CLCN4: variants seen among roughly 807,000 people sequenced by gnomAD.
The protein encoded by CLCN4 is H(+)/Cl(-) exchange transporter 4.
Under a neutral mutation model 41.7 loss-of-function variants are expected in CLCN4, and 1 was observed. The ratio of observed to expected loss-of-function variants is 0.02; its 90% CI spans 0.01 to 0.11. The LOEUF (loss-of-function observed/expected upper bound fraction) is 0.11. CLCN4 is among the 10% of genes least tolerant of loss of function. The pLI is 1.00. For missense variants in CLCN4, 287 were observed against 661.0 expected, an observed-to-expected ratio of 0.43 and a Z score of 6.20; for synonymous variants, 277 against 285.8, an observed-to-expected ratio of 0.97 and a Z score of 0.31.
chrX:10,196,969 G>T (rs16985991), intron 5 of CLCN4, among the ~76,000 whole-genome samples: 47,373 of 111,410 alleles, frequency 0.43, 8,356 homozygotes, highest in Non-Finnish European at 0.57. Context: ...ACCGCATAGG[G>T]TGTGAATATA....
intron 4 of CLCN4, among the ~76,000 whole-genome samples, chrX:10,189,888 T>G (rs1319136665): frequency 7.2e-5 from 8 of 110,492 alleles, no homozygotes; most frequent in African/African-American, 2.6e-4. Context: ...AGTAGGGGGG[T>G]TGTGAATGAA....
At position 10,158,313 on chromosome X, in the gene CLCN4, C is replaced by G. The variant is rs1006798176; in HGVS notation, c.-250C>G. The stretch of plus-strand genomic sequence containing the variant: ...GGCCAGGCAAGCTGCACACATCAAG[C>G]GAAACGCCTGAGGGGCGGCCAGCGC... On this transcript the variant is annotated 5_prime_UTR_variant, in exon 2 of 13. Transcript: ENST00000380833. 1 of 289,583 alleles carries G rather than the reference C, an allele frequency of 3.5e-6. No individual in the cohort carries two copies. Among genetic ancestry groups the G allele is most frequent in the African/African-American group, 2.7e-5 (1 of 36,457 alleles). The allele number at this position is 289,583 out of a possible 1,213,427, so 23.9% of individuals were successfully genotyped here. A position where few individuals can be genotyped will look rare whatever the true frequency, so the allele number is the denominator to read the frequency against.
At chrX:10,206,917 G>GTTTTTT in intron 8 of CLCN4, 141 bp downstream of exon 8, 1 of 448,204 alleles carries the variant, frequency 2.2e-6, no homozygotes, top group Non-Finnish European at 3.7e-6. Context: ...TTTTGTTTTT[G>GTTTTTT]TTTTTGTTTT....
chrX:10,180,346 A>G (rs927843706), intron 2 of CLCN4, among the ~76,000 whole-genome samples: 1 of 111,613 alleles, frequency 9.0e-6, no homozygotes, highest in Non-Finnish European at 1.9e-5. Flanking sequence ...GACTGCCTCA[A>G]TGAACAGCAA....
At chrX:10,216,918 T>TATATATATACACACACACAC (rs773265490) in intron 11 of CLCN4, among the ~76,000 whole-genome samples, 746 of 38,885 alleles carry the variant, frequency 0.019, 22 homozygotes, top group Non-Finnish European at 0.026. Flanking sequence ...TATATATATA[T>TATATATATACACACACACAC]ACACACACAC....
At position 10,221,798 on chromosome X, in the gene CLCN4, G is replaced by A. The variant is rs138011529; in HGVS notation, c.2192+921G>A. ...CAAGCTGTGCCACTTCCGAATTACC[G>A]GGAAGGGGTGGAAGGAGGGGAGCCT... On this transcript the variant is annotated intron_variant, in intron 12 of 12. Transcript: ENST00000380833. Among the ~76,000 whole-genome samples the A allele has an allele frequency of 3.7e-3, 411 of 112,290 alleles. 3 individuals are homozygous for A. The highest frequency in any genetic ancestry group is 0.013 in the African/African-American group (391 of 30,880).
intron 2 of CLCN4, among the ~76,000 whole-genome samples, chrX:10,173,312 G>A (rs1223413616): frequency 1.8e-5 from 2 of 111,343 alleles, no homozygotes. Flanking sequence ...CATCCAAGTC[G>A]GAGTCAGATC....
chrX:10,158,167 G>T, intron 1 of CLCN4, 122 bp from the exon 2 acceptor site: 2 of 254,075 alleles, frequency 7.9e-6, no homozygotes, highest in Non-Finnish European at 1.4e-5. Flanking sequence ...ACATGAAATT[G>T]TATTTCCTTT....
chrX:10,195,744 A>G (rs1377103655), intron 5 of CLCN4, among the ~76,000 whole-genome samples: 2 of 112,483 alleles, frequency 1.8e-5, no homozygotes, highest in East Asian at 2.8e-4. Context: ...AAATCATACA[A>G]TGTGTGGACT....
At chrX:10,189,253 T>G (rs1923892925) in intron 4 of CLCN4, among the ~76,000 whole-genome samples, 1 of 112,398 alleles carries the variant, frequency 8.9e-6, no homozygotes, top group African/African-American at 3.2e-5. Flanking sequence ...GGAATAGATG[T>G]TCTGATAACG....
At chrX:10,168,478 G>C (rs1422595282) in intron 2 of CLCN4, among the ~76,000 whole-genome samples, 1 of 112,030 alleles carries the variant, frequency 8.9e-6, no homozygotes, top group Non-Finnish European at 1.9e-5. Flanking sequence ...TGCAAGAGAG[G>C]ATGCAATGGG....
intron 2 of CLCN4, among the ~76,000 whole-genome samples, chrX:10,177,181 C>T (rs1923555646): frequency 8.9e-6 from 1 of 112,549 alleles, no homozygotes; most frequent in Non-Finnish European, 1.9e-5. Context: ...ATTTCAGTGT[C>T]CGCGAATAAA....
chrX:10,187,472 C>T (rs373441034), intron 3 of CLCN4, 43 bp from the exon 4 acceptor site: 30 of 1,000,482 alleles, frequency 3.0e-5, no homozygotes, highest in Non-Finnish European at 4.1e-5. Flanking sequence ...AGCATGAATT[C>T]GAAAATGCAT....
intron 12 of CLCN4, among the ~76,000 whole-genome samples, chrX:10,226,003 G>A (rs58106546): frequency 0.16 from 17,713 of 110,786 alleles, 1,166 homozygotes; most frequent in African/African-American, 0.25. Context: ...TTGAAGTTGG[G>A]TGGCATGATG....
At chrX:10,224,518 G>C (rs1476582770) in intron 12 of CLCN4, among the ~76,000 whole-genome samples, 4 of 110,149 alleles carry the variant, frequency 3.6e-5, no homozygotes, top group African/African-American at 1.3e-4. Flanking sequence ...TAAAGAACAT[G>C]GACATAATCC....
rs1182843867 is a variant in CLCN4 at position 10,190,502 on chromosome X, ACCC to A, written c.244+2889_244+2891del. 4.0e-4 allele frequency among the ~76,000 whole-genome samples: 44 copies of A among 111,287 alleles called. 1 individual carries two copies. Among genetic ancestry groups the A allele is most frequent in the South Asian group, 7.5e-4 (2 of 2,661 alleles). On this transcript the variant is annotated intron_variant, in intron 4 of 12. Coordinates refer to ENST00000380833, the MANE Select transcript of CLCN4 (RefSeq NM_001830.4). ...ATAGTTCTAAATTTGACATTACCGGACCCTGTGGAAAGACCTCATGAAATACTA... is the reference window on the plus strand; with the variant it reads ...ATAGTTCTAAATTTGACATTACCGGATGTGGAAAGACCTCATGAAATACTA...
chrX:10,212,735 GA>G (rs754348015), intron 10 of CLCN4, 82 bp downstream of exon 10: 1 of 923,047 alleles, frequency 1.1e-6, no homozygotes, highest in South Asian at 2.4e-5. Context: ...ACATGGACTT[GA>G]ACATTTTCTT....
chrX:10,188,837 G>C (rs914134187), intron 4 of CLCN4, among the ~76,000 whole-genome samples: 1 of 111,998 alleles, frequency 8.9e-6, no homozygotes, highest in Non-Finnish European at 1.9e-5. Flanking sequence ...TTATTCCCTA[G>C]CTCATCGGAG....
intron 12 of CLCN4, 77 bp downstream of exon 12, chrX:10,220,954 G>A (rs1308995597): frequency 1.2e-6 from 1 of 853,434 alleles, no homozygotes; most frequent in African/African-American, 2.0e-5. Context: ...CCTGAAGAAT[G>A]TGGAGGGCCA....
Sources: allele counts gnomAD v4.1 joint callset (sites outside exome capture counted in the v4.1 genomes callset), GRCh38; gene constraint gnomAD v4.1.1; transcripts MANE v1.5; gene names NCBI Gene and HGNC (gene_info 2026-07-23, HGNC 2026-07-21).